The following TEX2 variants were observed in gnomAD, a reference collection of about 807,000 sequenced individuals.
The protein encoded by TEX2 is testis-expressed protein 2.
TEX2 carries 53 observed loss-of-function variants against 106.9 expected under a neutral mutation model. That is an observed-to-expected ratio of 0.50 (90% CI 0.40 to 0.62). TEX2 has a LOEUF of 0.62. TEX2 is among the 20% of genes least tolerant of loss of function. TEX2 has a pLI of 0.00. For missense variants in TEX2, 1,207 were observed against 1,379.0 expected (o/e 0.88, Z 1.98); for synonymous variants, 523 against 534.8 (o/e 0.98, Z 0.30).
rs1204111503 is a variant in TEX2, at chr17:64,195,361, T to A, written c.1645-266A>T. Among the ~76,000 whole-genome samples the A allele has an allele frequency of 1.3e-5, 2 of 152,216 alleles. No homozygotes were observed. Among genetic ancestry groups the A allele is most frequent in the African/African-American group, 2.4e-5 (1 of 41,442 alleles). On this transcript the variant is annotated intron_variant, in intron 2 of 11. Transcript: ENST00000584379. The surrounding 1 kb of genome is among the most constrained non-coding windows in gnomAD (Gnocchi z 4.1). ...CTAAATAAAAGGTTCTTTCTTTTTT[T>A]AAAGCTTATAAGCACATCAGGAAAC...
At chr17:64,191,817 C>CAAA (rs58376086) in intron 4 of TEX2, among the ~76,000 whole-genome samples, 13 of 119,910 alleles carry the variant, frequency 1.1e-4, no homozygotes, top group African/African-American at 4.8e-4. Context: ...GACTCCATCT[C>CAAA]AAAAAAAAAA....
chr17:64,258,471 T>C (rs1402556976), intron 1 of TEX2, among the ~76,000 whole-genome samples: 1 of 152,270 alleles, frequency 6.6e-6, no homozygotes, highest in East Asian at 1.9e-4. Flanking sequence ...TAAAATAAGA[T>C]TGATAATAGT....
At chr17:64,186,825 C>G (rs989842342) in intron 5 of TEX2, among the ~76,000 whole-genome samples, 5 of 150,334 alleles carry the variant, frequency 3.3e-5, no homozygotes, top group African/African-American at 1.2e-4. Context: ...GACCTTGTCT[C>G]AAAAAAAAAG....
chr17:64,207,401 C>T lies in TEX2; in HGVS notation c.1644+5173G>A, dbSNP rs141183308. 7.5e-4 allele frequency among the ~76,000 whole-genome samples: 114 copies of T among 151,078 alleles called. 1 individual carries two copies. Among genetic ancestry groups the T allele is most frequent in the African/African-American group, 2.5e-3 (104 of 41,056 alleles). On this transcript the variant is annotated intron_variant, in intron 2 of 11. Transcript: ENST00000584379. ...CTGGGCCTGTCTTGGAGATCTCGGT[C>T]GCAGGCAGGTATTATAGTCTTCCAT...
chr17:64,164,588 C>A (rs2031041333), intron 7 of TEX2, among the ~76,000 whole-genome samples: 1 of 152,194 alleles, frequency 6.6e-6, no homozygotes, highest in Admixed American at 6.5e-5. Context: ...CACCACTACA[C>A]AGAGACACTG....
At chr17:64,193,928 T>C (rs1177807142) in intron 3 of TEX2, 39 bp from the exon 4 acceptor site, 3 of 1,427,886 alleles carry the variant, frequency 2.1e-6, no homozygotes, top group Non-Finnish European at 2.8e-6. Context: ...ATATTAAAGA[T>C]TGGCTACACT....
At chr17:64,154,809 G>C in intron 9 of TEX2, 33 bp downstream of exon 9, 3 of 1,537,408 alleles carry the variant, frequency 2.0e-6, no homozygotes, top group Non-Finnish European at 2.6e-6. Flanking sequence ...GATCCCTGGA[G>C]ACTCAGAGGC....
intron 11 of TEX2, 23 bp downstream of exon 11, chr17:64,150,817 TA>T (rs780404057): frequency 6.2e-7 from 1 of 1,602,962 alleles, no homozygotes. Flanking sequence ...TGGTGTGAAA[TA>T]CTAGATAACA....
chr17:64,238,574 G>A (rs986832215), intron 1 of TEX2, among the ~76,000 whole-genome samples: 3 of 152,194 alleles, frequency 2.0e-5, no homozygotes, highest in African/African-American at 4.8e-5. Context: ...TTACAATCAC[G>A]GCAGGAGACA....
At position 64,212,721 on chromosome 17, in the gene TEX2, A is replaced by G. The variant is rs1374916089; in HGVS notation, c.1497T>C (p.Phe499=). Residue 499 remains phenylalanine, a synonymous_variant, in exon 2 of 12, where the codon TTT becomes TTC. Transcript: ENST00000584379. ...LPLPHYVSGL[F]LGIGLGFMTA... Reference sequence around the variant, plus strand: ...TCATGAATCCAAGGCCAATTCCCAGAAAGAGTCCACTCACATAGTGGGGGA... The same window carrying G: ...TCATGAATCCAAGGCCAATTCCCAGGAAGAGTCCACTCACATAGTGGGGGA... The G allele has an allele frequency of 1.9e-6, 3 of 1,614,058 alleles. No homozygotes were observed. Among genetic ancestry groups the G allele is most frequent in the African/African-American group, 1.3e-5 (1 of 74,910 alleles).
intron 1 of TEX2, among the ~76,000 whole-genome samples, chr17:64,215,950 A>G (rs913868432): frequency 1.3e-5 from 2 of 152,220 alleles, no homozygotes; most frequent in African/African-American, 4.8e-5. Flanking sequence ...GAAATATTCC[A>G]AGGATGACAA....
chr17:64,221,904 C>G (rs2033368623), intron 1 of TEX2, among the ~76,000 whole-genome samples: 2 of 152,182 alleles, frequency 1.3e-5, no homozygotes, highest in South Asian at 4.1e-4. Context: ...ACGAAATAAG[C>G]TGACTAGTCA....
chr17:64,217,549 T>G lies in TEX2; in HGVS notation c.-25-3307A>C, dbSNP rs571367942. Among the ~76,000 whole-genome samples, 1 of 152,338 alleles carries G rather than the reference T, an allele frequency of 6.6e-6. No homozygotes were observed. Among genetic ancestry groups the G allele is most frequent in the Admixed American group, 6.5e-5 (1 of 15,312 alleles). On this transcript the variant is annotated intron_variant, in intron 1 of 11. Coordinates refer to ENST00000584379, the MANE Select transcript of TEX2 (RefSeq NM_001288732.2). The surrounding 1 kb of genome is among the most constrained non-coding windows in gnomAD (Gnocchi z 4.3). ...CGTCATGGACAGCTCACTTACAAGC[T>G]AAGACCTCAGTTCTCAACCAGCAGC...
intron 7 of TEX2, among the ~76,000 whole-genome samples, chr17:64,168,630 C>T (rs923140910): frequency 2.6e-5 from 4 of 152,164 alleles, no homozygotes; most frequent in Admixed American, 6.5e-5. Context: ...CCCCTCTCCT[C>T]GGAAATTTCT....
At chr17:64,151,457 T>C (rs1290530273) in intron 10 of TEX2, among the ~76,000 whole-genome samples, 1 of 152,172 alleles carries the variant, frequency 6.6e-6, no homozygotes, top group Non-Finnish European at 1.5e-5. Context: ...CAATAAGGTT[T>C]GAAACCTGTT....
At chr17:64,173,617 G>T (rs2031501923) in intron 6 of TEX2, among the ~76,000 whole-genome samples, 1 of 152,156 alleles carries the variant, frequency 6.6e-6, no homozygotes, top group Non-Finnish European at 1.5e-5. Flanking sequence ...TTGAATTGGT[G>T]TTTGCTATAT....
At chr17:64,257,654 C>A (rs1460716395) in intron 1 of TEX2, among the ~76,000 whole-genome samples, 1 of 152,202 alleles carries the variant, frequency 6.6e-6, no homozygotes, top group Non-Finnish European at 1.5e-5. Flanking sequence ...TCTCAGTTAT[C>A]AGATCAACTG....
chr17:64,235,680 A>G (rs1344558770), intron 1 of TEX2, among the ~76,000 whole-genome samples: 1 of 152,190 alleles, frequency 6.6e-6, no homozygotes, highest in Admixed American at 6.5e-5. Context: ...AGTAAACCAC[A>G]GTTTACAGCA....
At chr17:64,174,936 A>C (rs555738298) in intron 6 of TEX2, among the ~76,000 whole-genome samples, 215 of 152,278 alleles carry the variant, frequency 1.4e-3, no homozygotes, top group Non-Finnish European at 2.2e-3. Flanking sequence ...ACAATCCGAG[A>C]CTACAGGGCA....
Sources: allele counts gnomAD v4.1 joint callset (sites outside exome capture counted in the v4.1 genomes callset), GRCh38; gene constraint gnomAD v4.1.1; non-coding constraint Gnocchi (gnomAD v3.1); transcripts MANE v1.5; gene names NCBI Gene and HGNC (gene_info 2026-07-23, HGNC 2026-07-21).